The following PCDH15 variants were observed in gnomAD, a reference collection of about 807,000 sequenced individuals.
The protein encoded by PCDH15 is protocadherin-15.
A neutral mutation model predicts 178.5 loss-of-function variants in PCDH15; 129 were observed. The ratio of observed to expected loss-of-function variants is 0.72; its 90% CI spans 0.63 to 0.84. The LOEUF (loss-of-function observed/expected upper bound fraction) is 0.84, where lower values mean the gene tolerates loss of function less well. PCDH15 is among the 40% of genes least tolerant of loss of function. The pLI, the probability that PCDH15 is intolerant of heterozygous loss-of-function variation, is 0.00. For missense variants in PCDH15, 2,230 were observed against 2,099.9 expected, an observed-to-expected ratio of 1.06 and a Z score of -1.21; for synonymous variants, 800 against 732.0, an observed-to-expected ratio of 1.09 and a Z score of -1.50.
intron 2 of PCDH15, among the ~76,000 whole-genome samples, chr10:55,606,367 G>T (rs1261024696): frequency 4.2e-5 from 6 of 143,118 alleles, no homozygotes; most frequent in African/African-American, 8.0e-5. Context: ...AGCTACCAAT[G>T]CCTTTCTTCA....
At chr10:55,123,562 G>C (rs1259408180) in intron 2 of PCDH15, among the ~76,000 whole-genome samples, 2 of 152,088 alleles carry the variant, frequency 1.3e-5, no homozygotes, top group Admixed American at 6.6e-5. Flanking sequence ...CTTAGAAACT[G>C]AGGCAAAGCT....
chr10:55,238,320 TC>T (rs1233841549), intron 1 of PCDH15, among the ~76,000 whole-genome samples: 2 of 151,694 alleles, frequency 1.3e-5, no homozygotes, highest in East Asian at 3.9e-4. Context: ...CGGCTAATTT[TC>T]TTGTATTTTT....
chr10:53,809,640 G>GTGAT, intron 37 of PCDH15: 1 of 1,202,952 alleles, frequency 8.3e-7, no homozygotes, highest in South Asian at 1.5e-5. Flanking sequence ...GAATCTGTGG[G>GTGAT]TGATAGCTTC....
chr10:54,464,498 T>C (rs1427515093), intron 3 of PCDH15, among the ~76,000 whole-genome samples: 1 of 152,184 alleles, frequency 6.6e-6, no homozygotes, highest in African/African-American at 2.4e-5. Context: ...TTAAATAATA[T>C]TTTTGTGTTT....
intron 1 of PCDH15, among the ~76,000 whole-genome samples, chr10:54,731,561 T>TATATATATATATATAA (rs1566067493): frequency 2.1e-5 from 1 of 48,304 alleles, no homozygotes; most frequent in African/African-American, 7.4e-5. Context: ...TATATATATA[T>TATATATATATATATAA]ATACACACAC....
chr10:54,697,192 T>A (rs1011584264), intron 1 of PCDH15, among the ~76,000 whole-genome samples: 2 of 152,236 alleles, frequency 1.3e-5, no homozygotes, highest in East Asian at 3.9e-4. Flanking sequence ...GTAACAAATT[T>A]CAAATAGAAT....
At chr10:54,450,596 G>A (rs2076424166) in intron 3 of PCDH15, among the ~76,000 whole-genome samples, 1 of 150,968 alleles carries the variant, frequency 6.6e-6, no homozygotes, top group African/African-American at 2.4e-5. Context: ...GTTACTAAAG[G>A]CAAATATAAA....
intron 18 of PCDH15, among the ~76,000 whole-genome samples, chr10:54,059,929 C>T (rs919640038): frequency 1.5e-4 from 23 of 152,206 alleles, no homozygotes; most frequent in African/African-American, 5.1e-4. Context: ...TGATTTTTTA[C>T]TAGAGCTGTC....
intron 1 of PCDH15, among the ~76,000 whole-genome samples, chr10:54,734,610 T>C (rs1943838068): frequency 1.3e-5 from 2 of 152,144 alleles, no homozygotes; most frequent in Admixed American, 6.6e-5. Context: ...CAAATGGCTA[T>C]ATTGCCCTTA....
rs1480216991 is a variant in PCDH15, at chr10:54,486,643, T to A, written c.157+41169A>T. Among the ~76,000 whole-genome samples the A allele has an allele frequency of 3.3e-5, 5 of 152,094 alleles. No individual in the cohort carries two copies. In the South Asian group the frequency reaches 6.2e-4, roughly 19 times the overall value. Reference sequence around the variant, plus strand: ...CTCCTTCCTGTACACTGATTTTTTTTCCTTTCTTGTTAGCAGTAAAAATCT... The same window carrying A: ...CTCCTTCCTGTACACTGATTTTTTTACCTTTCTTGTTAGCAGTAAAAATCT... On this transcript the variant is annotated intron_variant, in intron 3 of 37. Coordinates refer to ENST00000644397, the MANE Select transcript of PCDH15 (RefSeq NM_001384140.1).
chr10:54,827,029 T>C (rs1953143483), intron 3 of PCDH15, among the ~76,000 whole-genome samples: 1 of 152,092 alleles, frequency 6.6e-6, no homozygotes, highest in African/African-American at 2.4e-5. Flanking sequence ...CTGGTTGAAC[T>C]TCTGTGCATG....
intron 37 of PCDH15, chr10:53,808,952 CTTCTTCTTCTGAGTG>C: frequency 1.3e-6 from 2 of 1,558,700 alleles, no homozygotes; most frequent in Non-Finnish European, 1.7e-6. Context: ...GGTCCACTTT[CTTCTTCTTCTGAGTG>C]TTCTTCTTCT....
intron 1 of PCDH15, among the ~76,000 whole-genome samples, chr10:54,792,984 G>C (rs1318280657): frequency 6.6e-6 from 1 of 151,684 alleles, no homozygotes. Flanking sequence ...GGACCACCAG[G>C]TGAGCTAGGT....
chr10:55,277,004 A>T (rs1315519159), intron 1 of PCDH15, among the ~76,000 whole-genome samples: 1 of 151,924 alleles, frequency 6.6e-6, no homozygotes, highest in East Asian at 1.9e-4. Flanking sequence ...TCCTGCTTTC[A>T]CTTTGTTTGG....
intron 2 of PCDH15, among the ~76,000 whole-genome samples, chr10:55,403,657 G>A (rs1381915016): frequency 6.6e-6 from 1 of 151,724 alleles, no homozygotes. Context: ...CAGCACCTTT[G>A]TTTAGGTTCT....
intron 3 of PCDH15, among the ~76,000 whole-genome samples, chr10:54,824,515 T>C (rs1953095583): frequency 6.6e-6 from 1 of 152,166 alleles, no homozygotes; most frequent in Non-Finnish European, 1.5e-5. Context: ...GCCTTTGCTG[T>C]CATTTCTGTT....
chr10:55,427,730 T>C (rs144794670), intron 2 of PCDH15, among the ~76,000 whole-genome samples: 2 of 152,326 alleles, frequency 1.3e-5, no homozygotes, highest in East Asian at 3.9e-4. Context: ...TATACCTCTA[T>C]AATCTTATTC....
chr10:54,898,340 T>C (rs1328225047), intron 2 of PCDH15, among the ~76,000 whole-genome samples: 1 of 152,138 alleles, frequency 6.6e-6, no homozygotes, highest in Non-Finnish European at 1.5e-5. Flanking sequence ...AAGAATATCA[T>C]AATAAAGTTT....
chr10:53,965,207 G>A lies in PCDH15; in HGVS notation c.2869-3315C>T, dbSNP rs374655780. On this transcript the variant is annotated intron_variant, in intron 21 of 37. Coordinates refer to ENST00000644397, the MANE Select transcript of PCDH15 (RefSeq NM_001384140.1). ...CAGGCAGCTGGGACTACACGAGCCC[G>A]CCACCATGCCCGGCTAATTTTTTTC... Among the ~76,000 whole-genome samples the A allele has an allele frequency of 5.3e-5, 8 of 151,800 alleles. No individual in the cohort carries two copies. In the East Asian group the frequency reaches 5.8e-4, roughly 11 times the overall value.
Sources: gnomAD v4.1 joint callset for allele counts (sites outside exome capture counted in the v4.1 genomes callset) on GRCh38, gnomAD v4.1.1 for gene constraint, MANE v1.5 for transcripts, NCBI Gene and HGNC (gene_info 2026-07-23, HGNC 2026-07-21) for gene names.